The following SARNP variants were observed in gnomAD, a reference collection of about 807,000 sequenced individuals.
The protein encoded by SARNP is SAP domain containing ribonucleoprotein.
A neutral mutation model predicts 38.1 loss-of-function variants in SARNP; 5 were observed. The ratio of observed to expected loss-of-function variants is 0.13; its 90% CI spans 0.07 to 0.28. The LOEUF is 0.28. Ranked by LOEUF, SARNP falls within the 10% of genes least tolerant of loss-of-function variation. The pLI is 1.00. For synonymous variants in SARNP, 84 were observed against 80.6 expected, an observed-to-expected ratio of 1.04 and a Z score of -0.23; for missense variants, 180 against 243.9, an observed-to-expected ratio of 0.74 and a Z score of 1.75.
At position 55,773,389 on chromosome 12, in the gene SARNP, A is replaced by G. The variant is rs74830134; in HGVS notation, c.502-12749T>C. Among the ~76,000 whole-genome samples, 337 of 152,342 alleles carry G rather than the reference A, an allele frequency of 2.2e-3. 1 individual carries two copies. The highest frequency in any genetic ancestry group is 6.5e-3 in the African/African-American group (269 of 41,578). On this transcript the variant is annotated intron_variant, in intron 9 of 10. Transcript: ENST00000336133. ...CTCCTATAAATGCTAAGGGTATTCC[A>G]AAGTTTATGCTTCCTACAAAAACTA...
At chr12:55,806,540 T>G (rs943626391) in intron 1 of SARNP, among the ~76,000 whole-genome samples, 19 of 151,636 alleles carry the variant, frequency 1.3e-4, no homozygotes, top group Non-Finnish European at 2.6e-4. Context: ...CTCCCAAAGT[T>G]CTGGGATTAC....
intron 7 of SARNP, chr12:55,792,498 A>G: frequency 6.6e-6 from 1 of 151,134 alleles, no homozygotes; most frequent in Non-Finnish European, 1.5e-5. Context: ...CAGCCTCCCA[A>G]ATAGCTGGAA....
chr12:55,805,844 C>CA (rs1237754694), intron 1 of SARNP, among the ~76,000 whole-genome samples: 1 of 151,172 alleles, frequency 6.6e-6, no homozygotes, highest in South Asian at 2.1e-4. Context: ...GAGACTGTCT[C>CA]AAAAAAATAA....
At chr12:55,767,695 A>G (rs576686489) in intron 9 of SARNP, among the ~76,000 whole-genome samples, 20 of 151,858 alleles carry the variant, frequency 1.3e-4, no homozygotes, top group African/African-American at 4.6e-4. Context: ...AATATACAAA[A>G]AATTAGCCAG....
chr12:55,782,594 A>T (rs1411526602), intron 9 of SARNP, among the ~76,000 whole-genome samples: 2 of 151,924 alleles, frequency 1.3e-5, no homozygotes, highest in Non-Finnish European at 2.9e-5. Flanking sequence ...TCTTTTTTAA[A>T]ATTTTTTAGG....
chr12:55,808,213 T>C (rs1592582595), intron 1 of SARNP, among the ~76,000 whole-genome samples: 1 of 152,008 alleles, frequency 6.6e-6, no homozygotes, highest in South Asian at 2.1e-4. Flanking sequence ...CTGGGCATGG[T>C]GGCTCATGCC....
intron 1 of SARNP, among the ~76,000 whole-genome samples, chr12:55,808,533 G>C (rs1235644444): frequency 1.3e-5 from 2 of 152,026 alleles, no homozygotes; most frequent in African/African-American, 2.4e-5. Context: ...TCGACCTCAG[G>C]TGATCCACCC....
In SARNP at chr12:55,757,468, GAA is replaced by G; in HGVS notation, c.*42_*43del. 6.4e-7 allele frequency: 1 copy of G among 1,563,912 alleles called. No individual in the cohort carries two copies. The highest frequency in any genetic ancestry group is 8.7e-7 in the Non-Finnish European group (1 of 1,145,966). Reference sequence around the variant, plus strand: ...ATATATGTGACCAAGAAGAAGGAGAGAAATGGAAAACACTGGAGAACAGAAAG... The same window carrying G: ...ATATATGTGACCAAGAAGAAGGAGAGATGGAAAACACTGGAGAACAGAAAG... On this transcript the variant is annotated 3_prime_UTR_variant, in exon 11 of 11. Coordinates refer to ENST00000336133, the MANE Select transcript of SARNP (RefSeq NM_033082.4).
chr12:55,752,996 A>T (rs1301274844), downstream of SARNP: 3 of 152,232 alleles, frequency 2.0e-5, no homozygotes, highest in African/African-American at 7.2e-5. Flanking sequence ...GGGGTCCTGG[A>T]GCAAGACAGA....
intron 1 of SARNP, among the ~76,000 whole-genome samples, chr12:55,814,481 C>A (rs1343673230): frequency 6.6e-6 from 1 of 152,248 alleles, no homozygotes; most frequent in Non-Finnish European, 1.5e-5. Flanking sequence ...TTTCTCCTCT[C>A]CTCTGCAATA....
Position 55,768,500 on chromosome 12 carries a change from C to A in SARNP, c.502-7860G>T, listed in dbSNP as rs188993513. Among the ~76,000 whole-genome samples the A allele has an allele frequency of 3.1e-3, 466 of 152,072 alleles. 3 individuals are homozygous for A. The highest frequency in any genetic ancestry group is 0.011 in the African/African-American group (441 of 41,472). On this transcript the variant is annotated intron_variant, in intron 9 of 10. Transcript: ENST00000336133. ...AGTGTAGTGGCGCGATCTCGGCTCA[C>A]TGCAACCCCCACCTCCCGGGTTCAT...
intron 1 of SARNP, among the ~76,000 whole-genome samples, chr12:55,814,761 C>T (rs559238326): frequency 1.3e-4 from 20 of 151,902 alleles, no homozygotes; most frequent in African/African-American, 4.8e-4. Context: ...CCCAGCTACT[C>T]GGGAAGCTGA....
At position 55,784,249 on chromosome 12, in the gene SARNP, T is replaced by C. The variant is rs183966896; in HGVS notation, c.501+4826A>G. Among the ~76,000 whole-genome samples the C allele has an allele frequency of 1.1e-4, 17 of 152,314 alleles. 1 individual carries two copies. In the East Asian group the frequency reaches 2.1e-3, roughly 19 times the overall value. ...AACCTAAAGACAAGCGACCAAATTA[T>C]ATAGAAGGCTACACTGGAACCCAGA... On this transcript the variant is annotated intron_variant, in intron 9 of 10. Transcript: ENST00000336133.
intron 4 of SARNP, among the ~76,000 whole-genome samples, chr12:55,798,369 C>T (rs565480837): frequency 1.3e-5 from 2 of 152,144 alleles, no homozygotes; most frequent in South Asian, 2.1e-4. Context: ...TGTAGTGGCT[C>T]GTGCCTGTAG....
In SARNP at chr12:55,794,372, T is replaced by G. The variant is rs550882054; in HGVS notation, c.393A>C (p.Ser131=). 125 of 1,607,632 alleles carry G rather than the reference T, an allele frequency of 7.8e-5. 2 individuals are homozygous for G. The Admixed American group carries it at 1.9e-3, about 25-fold the overall frequency. Residue 131 remains serine (S), a synonymous_variant, in exon 7 of 11, where the codon TCA becomes TCC. Coordinates refer to ENST00000336133, the MANE Select transcript of SARNP (RefSeq NM_033082.4). ...AARAARFGIS[S]VPTKGLSSDN... The stretch of plus-strand genomic sequence containing the variant: ...CTGTACTCTTACCTTTTGTTGGAAC[T>G]GAAGAAATCCCAAACCTGAAGAAGG...
intron 9 of SARNP, among the ~76,000 whole-genome samples, chr12:55,783,355 T>C (rs925889732): frequency 3.9e-5 from 6 of 152,136 alleles, no homozygotes; most frequent in Admixed American, 2.6e-4. Flanking sequence ...ATGCGACTTA[T>C]GAGAAAAGTC....
At chr12:55,809,948 T>C (rs868521062) in intron 1 of SARNP, among the ~76,000 whole-genome samples, 4 of 152,202 alleles carry the variant, frequency 2.6e-5, no homozygotes, top group African/African-American at 4.8e-5. Context: ...TACCATATAC[T>C]CTTTTGTGAA....
chr12:55,793,849 T>G (rs1462284699), intron 7 of SARNP: 4 of 155,184 alleles, frequency 2.6e-5, no homozygotes, highest in Non-Finnish European at 5.7e-5. Flanking sequence ...ATGGCACACA[T>G]TTAATAACTA....
At chr12:55,787,749 CTTT>C (rs150950873) in intron 9 of SARNP, among the ~76,000 whole-genome samples, 1 of 137,144 alleles carries the variant, frequency 7.3e-6, no homozygotes, top group Non-Finnish European at 1.6e-5. Context: ...TTCTTTCTTT[CTTT>C]TTTTTTTTTT....
Sources: allele counts gnomAD v4.1 joint callset (sites outside exome capture counted in the v4.1 genomes callset), GRCh38; gene constraint gnomAD v4.1.1; transcripts MANE v1.5; gene names NCBI Gene and HGNC (gene_info 2026-07-23, HGNC 2026-07-21).